STARD13: variants seen among roughly 807,000 people sequenced by gnomAD.
The protein encoded by STARD13 is stAR-related lipid transfer protein 13.
In STARD13, 62 loss-of-function variants were observed where a neutral mutation model predicts 106.4. The observed-to-expected ratio is 0.58, with a 90% CI of 0.48 to 0.72. STARD13 has a LOEUF of 0.72. Ranked by LOEUF, STARD13 falls within the 30% of genes least tolerant of loss-of-function variation. The probability of loss-of-function intolerance (pLI) is 0.00; values close to 1 mark genes in which losing one functional copy is unlikely to be tolerated. For missense variants in STARD13, 1,387 were observed against 1,424.0 expected, an observed-to-expected ratio of 0.97 and a Z score of 0.42; for synonymous variants, 565 against 553.0, an observed-to-expected ratio of 1.02 and a Z score of -0.31.
chr13:33,563,834 A>T, the STARD13 span, among the ~76,000 whole-genome samples: 216 of 147,648 alleles, frequency 1.5e-3, 15 homozygotes, highest in Non-Finnish European at 2.7e-3. Flanking sequence ...TCAACAAGGG[A>T]TAAGTAACTA....
chr13:33,127,516 C>T lies in STARD13; in HGVS notation c.1779G>A (p.Ser593=), dbSNP rs368468974. The change falls in exon 6 of 14, where the codon TCG becomes TCA. Residue 593 remains serine, a synonymous_variant. Transcript: ENST00000336934. Reference sequence around the variant, plus strand: ...ATGCTGGGGCCGGCCGGGGCTGGTGCGACAGCTGGAAACTGTTCCATCGGA... The same window carrying T: ...ATGCTGGGGCCGGCCGGGGCTGGTGTGACAGCTGGAAACTGTTCCATCGGA... The part of the protein sequence containing the change: ...RRLRWNSFQL[S]HQPRPAPASP... 36 of 1,564,976 alleles carry T rather than the reference C, an allele frequency of 2.3e-5. No homozygotes were observed. Among genetic ancestry groups the T allele is most frequent in the African/African-American group, 5.4e-5 (4 of 73,884 alleles).
At chr13:33,674,805 C>T in the STARD13 span, among the ~76,000 whole-genome samples, 19 of 152,176 alleles carry the variant, frequency 1.2e-4, no homozygotes, top group African/African-American at 4.3e-4. Context: ...CCTATTATTC[C>T]TTTTCATTTT....
chr13:33,398,404 A>G, the STARD13 span, among the ~76,000 whole-genome samples: 33,734 of 152,100 alleles, frequency 0.22, 5,728 homozygotes, highest in East Asian at 0.47. Context: ...TTGAGGGCAG[A>G]AAAAGAATTC....
intron 1 of STARD13, among the ~76,000 whole-genome samples, chr13:33,269,831 T>C (rs968769309): frequency 6.6e-6 from 1 of 152,218 alleles, no homozygotes; most frequent in African/African-American, 2.4e-5. Flanking sequence ...GAGTTTGAAA[T>C]GACCCTAATT....
At chr13:33,375,797 G>C in the STARD13 span, among the ~76,000 whole-genome samples, 1 of 152,088 alleles carries the variant, frequency 6.6e-6, no homozygotes, top group African/African-American at 2.4e-5. Context: ...CCCAGTCTCA[G>C]GTATGTTTTT....
intron 1 of STARD13, among the ~76,000 whole-genome samples, chr13:33,220,720 G>A (rs1337463125): frequency 6.6e-6 from 1 of 151,878 alleles, no homozygotes; most frequent in Non-Finnish European, 1.5e-5. Context: ...TAAAATAAAG[G>A]CTGCATTTAA....
At chr13:33,257,825 C>T (rs1400769799) in intron 1 of STARD13, among the ~76,000 whole-genome samples, 1 of 152,166 alleles carries the variant, frequency 6.6e-6, no homozygotes, top group Non-Finnish European at 1.5e-5. Flanking sequence ...GTGAGGATAC[C>T]TTGCAGTTTG....
the STARD13 span, among the ~76,000 whole-genome samples, chr13:33,646,278 T>C: frequency 2.0e-5 from 3 of 152,244 alleles, no homozygotes; most frequent in Non-Finnish European, 4.4e-5. Context: ...GGTATTCATA[T>C]AAGATCTTAA....
the STARD13 span, among the ~76,000 whole-genome samples, chr13:33,499,569 T>TCTGAA: frequency 1.5e-5 from 1 of 66,528 alleles, no homozygotes; most frequent in Non-Finnish European, 3.1e-5. Flanking sequence ...TTCTTCTTCT[T>TCTGAA]CTTCTTCTTC....
At chr13:33,528,770 A>G in the STARD13 span, among the ~76,000 whole-genome samples, 1 of 152,004 alleles carries the variant, frequency 6.6e-6, no homozygotes, top group African/African-American at 2.4e-5. Flanking sequence ...CATCATAGTA[A>G]CGATCATCTT....
At chr13:33,646,089 T>C in the STARD13 span, among the ~76,000 whole-genome samples, 1 of 152,150 alleles carries the variant, frequency 6.6e-6, no homozygotes. Flanking sequence ...GTTAATCTGG[T>C]TAAGTCCAAT....
At chr13:33,293,328 G>T (rs1430837949) in intron 1 of STARD13, among the ~76,000 whole-genome samples, 5 of 152,242 alleles carry the variant, frequency 3.3e-5, no homozygotes, top group African/African-American at 1.2e-4. Context: ...CATCAGTAGC[G>T]ATTGGTTGAA....
the STARD13 span, among the ~76,000 whole-genome samples, chr13:33,530,553 A>G: frequency 1.3e-5 from 2 of 152,098 alleles, no homozygotes; most frequent in African/African-American, 4.8e-5. Flanking sequence ...CCCAATCTGA[A>G]TTTTGCAAAT....
intron 1 of STARD13, chr13:33,335,102 TGCCATGGAGCCCTGGGAA>T (rs1408499631): frequency 6.5e-6 from 1 of 152,746 alleles, no homozygotes; most frequent in Non-Finnish European, 1.5e-5. Context: ...GCCACGCCCC[TGCCATGGAGCCCTGGGAA>T]GCCACATGAT....
At chr13:33,524,743 T>TA in the STARD13 span, among the ~76,000 whole-genome samples, 1 of 152,120 alleles carries the variant, frequency 6.6e-6, no homozygotes, top group African/African-American at 2.4e-5. Flanking sequence ...ATTAAAATTG[T>TA]ATATATTTAT....
chr13:33,535,904 T>TGG, the STARD13 span, among the ~76,000 whole-genome samples: 1 of 152,212 alleles, frequency 6.6e-6, no homozygotes, highest in Admixed American at 6.5e-5. Context: ...CGAAAATCTA[T>TGG]ACTTAAATTA....
the STARD13 span, among the ~76,000 whole-genome samples, chr13:33,540,142 G>GTGGA: frequency 6.6e-6 from 1 of 152,178 alleles, no homozygotes; most frequent in Non-Finnish European, 1.5e-5. Context: ...CAAGAACCTA[G>GTGGA]TGGATGCCTG....
intron 1 of STARD13, among the ~76,000 whole-genome samples, chr13:33,251,001 AGGAAG>A (rs1566098550): frequency 6.6e-6 from 1 of 152,228 alleles, no homozygotes; most frequent in Non-Finnish European, 1.5e-5. Context: ...GAATAGGATA[AGGAAG>A]GGAAGGGAAG....
Position 33,129,530 on chromosome 13 carries a change from G to A in STARD13, c.1147C>T (p.Arg383Cys), listed in dbSNP as rs757092348. The change falls in exon 5 of 14, where the codon CGT becomes TGT. Residue 383 changes from arginine (R) to cysteine (C), a missense_variant. Transcript: ENST00000336934. ...TCTTGGGAGTGAAATTCATGCATAC[G>A]GCTTTGGTCCCCTGCATCCGGCAGT... ...TALPDAGDQS[R>C]MHEFHSQENL... 3.1e-6 allele frequency: 5 copies of A among 1,614,176 alleles called. No individual in the cohort carries two copies. The East Asian group carries it at 6.7e-5, about 22-fold the overall frequency.
Sources: allele counts gnomAD v4.1 joint callset (sites outside exome capture counted in the v4.1 genomes callset), GRCh38; gene constraint gnomAD v4.1.1; transcripts MANE v1.5; gene names NCBI Gene and HGNC (gene_info 2026-07-23, HGNC 2026-07-21).